Variants in CDC73 observed in about 807,000 individuals in gnomAD.
CDC73 encodes the protein parafibromin.
A neutral mutation model predicts 83.7 loss-of-function variants in CDC73; 21 were observed. The observed-to-expected ratio is 0.25, with a 90% confidence interval of 0.18 to 0.36. The LOEUF (loss-of-function observed/expected upper bound fraction) is 0.36. Among genes scored for constraint, CDC73 ranks in the 10% least tolerant of loss-of-function variants. The pLI, the probability that CDC73 is intolerant of heterozygous loss-of-function variation, is 1.00. For synonymous variants in CDC73, 224 were observed against 212.9 expected (o/e 1.05, Z -0.45); for missense variants, 342 against 653.3 (o/e 0.52, Z 5.19).
rs1298684368 is a variant in CDC73, at chr1:193,213,780, T to TA, written c.1154+1304dup. Among the ~76,000 whole-genome samples the TA allele has an allele frequency of 3.3e-5, 5 of 152,362 alleles. No individual in the cohort carries two copies. In the East Asian group the frequency reaches 9.6e-4, roughly 29 times the overall value. On this transcript the variant is annotated intron_variant, in intron 13 of 16. Transcript: ENST00000367435. ...ATTTGAAGTGCTACTGGCTTGAAGTTACGTCCTTCCAGAGTGATTTTGTGA... is the reference window on the plus strand; with the variant it reads ...ATTTGAAGTGCTACTGGCTTGAAGTTAACGTCCTTCCAGAGTGATTTTGTGA...
At chr1:193,140,748 C>G (rs900965099) in intron 6 of CDC73, among the ~76,000 whole-genome samples, 1 of 152,160 alleles carries the variant, frequency 6.6e-6, no homozygotes, top group Non-Finnish European at 1.5e-5. Flanking sequence ...AAGATTTCAG[C>G]AGGCTACTCA....
At chr1:193,208,573 G>C (rs1437707842) in intron 11 of CDC73, among the ~76,000 whole-genome samples, 2 of 152,062 alleles carry the variant, frequency 1.3e-5, no homozygotes, top group Non-Finnish European at 2.9e-5. Context: ...TACTCTTTTC[G>C]ATCCTTTGTC....
chr1:193,133,258 GTTAAT>G (rs1331761236), intron 3 of CDC73, among the ~76,000 whole-genome samples: 2 of 151,824 alleles, frequency 1.3e-5, no homozygotes, highest in Non-Finnish European at 2.9e-5. Context: ...TTTAAAAACT[GTTAAT>G]TTAATAGTTT....
At chr1:193,167,868 G>T (rs984488673) in intron 10 of CDC73, among the ~76,000 whole-genome samples, 13 of 151,660 alleles carry the variant, frequency 8.6e-5, no homozygotes, top group Admixed American at 8.6e-4. Flanking sequence ...GTGTTTTTTT[G>T]TTGTTTTTTT....
chr1:193,216,369 A>G (rs1677367581), intron 13 of CDC73, among the ~76,000 whole-genome samples: 1 of 152,196 alleles, frequency 6.6e-6, no homozygotes. Context: ...AGAAACATAT[A>G]ATCTCTCAAG....
intron 10 of CDC73, among the ~76,000 whole-genome samples, chr1:193,198,745 G>T (rs1162040707): frequency 6.6e-6 from 1 of 152,230 alleles, no homozygotes; most frequent in Non-Finnish European, 1.5e-5. Context: ...CAAATCAGAG[G>T]TTACAAGGTA....
rs1241998258 is a variant in CDC73 at position 193,234,175 on chromosome 1, T to TCTCTCTCACA, written c.1316+1022_1316+1023insTCTCTCACAC. ...TTCTCTCTCTCTCTCTCTCTCTCTCTCACACACACACACACACACACACAC... is the reference window on the plus strand; with the variant it reads ...TTCTCTCTCTCTCTCTCTCTCTCTCTCTCTCTCACACACACACACACACACACACACACAC... On this transcript the variant is annotated intron_variant, in intron 14 of 16. Transcript: ENST00000367435. 4.9e-5 allele frequency among the ~76,000 whole-genome samples: 5 copies of TCTCTCTCACA among 101,414 alleles called. No individual in the cohort carries two copies. The Admixed American group carries it at 6.5e-4, about 13-fold the overall frequency. The allele number at this position is 101,414 out of a possible 152,430, so 66.5% of individuals were successfully genotyped here. A position where few individuals can be genotyped will look rare whatever the true frequency, so the allele number is the denominator to read the frequency against.
intron 11 of CDC73, among the ~76,000 whole-genome samples, chr1:193,204,835 G>A (rs145240628): frequency 6.6e-6 from 1 of 152,170 alleles, no homozygotes; most frequent in African/African-American, 2.4e-5. Context: ...CCTTTCATCA[G>A]TTCTCTCATA....
chr1:193,123,754 T>A (rs1261969994), intron 1 of CDC73, among the ~76,000 whole-genome samples: 1 of 152,146 alleles, frequency 6.6e-6, no homozygotes, highest in Non-Finnish European at 1.5e-5. Context: ...CCTAAGACTC[T>A]GGTTTCTACC....
intron 2 of CDC73, among the ~76,000 whole-genome samples, chr1:193,127,130 C>T (rs568596550): frequency 9.9e-5 from 15 of 151,972 alleles, no homozygotes; most frequent in South Asian, 4.2e-4. Flanking sequence ...ATTAGTCAGG[C>T]GTGGTAGTGT....
chr1:193,180,188 T>C, intron 10 of CDC73: 1 of 931,110 alleles, frequency 1.1e-6, no homozygotes, highest in Non-Finnish European at 1.5e-6. Flanking sequence ...AATTTCTTTA[T>C]GTGATGAGTT....
chr1:193,123,874 G>A (rs1044549939), intron 1 of CDC73, among the ~76,000 whole-genome samples: 6 of 152,322 alleles, frequency 3.9e-5, no homozygotes, highest in Middle Eastern at 3.4e-3. Context: ...TTTGAAGACA[G>A]CAGTCACTTC....
At chr1:193,176,028 A>G (rs1251895120) in intron 10 of CDC73, among the ~76,000 whole-genome samples, 1 of 152,228 alleles carries the variant, frequency 6.6e-6, no homozygotes, top group Non-Finnish European at 1.5e-5. Flanking sequence ...TTTTCAGAAG[A>G]CAAACAGATC....
At chr1:193,173,660 T>C (rs184974797) in intron 10 of CDC73, among the ~76,000 whole-genome samples, 48 of 152,344 alleles carry the variant, frequency 3.2e-4, no homozygotes, top group Admixed American at 2.5e-3. Flanking sequence ...AGTTCATAAT[T>C]TTTTTGTGCC....
intron 13 of CDC73, among the ~76,000 whole-genome samples, chr1:193,219,774 T>G (rs1441392929): frequency 6.6e-6 from 1 of 152,170 alleles, no homozygotes; most frequent in Non-Finnish European, 1.5e-5. Flanking sequence ...AAATACCTGT[T>G]GTGTACTGTG....
chr1:193,177,697 A>G (rs893003356), intron 10 of CDC73, among the ~76,000 whole-genome samples: 25 of 152,190 alleles, frequency 1.6e-4, no homozygotes, highest in African/African-American at 6.0e-4. Flanking sequence ...AGTACCAAGC[A>G]TACTGCTTGT....
chr1:193,156,851 G>A (rs1269321202), intron 10 of CDC73, among the ~76,000 whole-genome samples: 2 of 152,070 alleles, frequency 1.3e-5, no homozygotes. Flanking sequence ...TTTGTTGAGT[G>A]CATGCTGTGT....
At chr1:193,218,415 A>G (rs1352534271) in intron 13 of CDC73, among the ~76,000 whole-genome samples, 2 of 152,232 alleles carry the variant, frequency 1.3e-5, no homozygotes, top group Non-Finnish European at 2.9e-5. Flanking sequence ...CGAACAAACT[A>G]TTCTAAAATC....
chr1:193,143,217 CAGAGCTT>C (rs1675936745), intron 7 of CDC73, among the ~76,000 whole-genome samples: 1 of 152,100 alleles, frequency 6.6e-6, no homozygotes, highest in Non-Finnish European at 1.5e-5. Context: ...AATCATTCTC[CAGAGCTT>C]AGAATTATAG....
Sources: allele counts gnomAD v4.1 joint callset (sites outside exome capture counted in the v4.1 genomes callset), GRCh38; gene constraint gnomAD v4.1.1; transcripts MANE v1.5; gene names NCBI Gene and HGNC (gene_info 2026-07-23, HGNC 2026-07-21).